The following NIBAN1 variants were observed in gnomAD, a reference collection of about 807,000 sequenced individuals.
NIBAN1 encodes the protein niban apoptosis regulator 1.
In NIBAN1, 81 loss-of-function variants were observed where a neutral mutation model predicts 75.1. That is an observed-to-expected ratio of 1.08 (90% CI 0.90 to 1.30). The LOEUF (loss-of-function observed/expected upper bound fraction) is 1.30. Among genes scored for constraint, NIBAN1 ranks in the 50% most tolerant of loss-of-function variants. The pLI is 0.00. For missense variants in NIBAN1, 1,133 were observed against 1,128.1 expected (o/e 1.00, Z -0.06); for synonymous variants, 436 against 424.8 (o/e 1.03, Z -0.32).
chr1:184,959,625 T>C (rs1667698484), intron 1 of NIBAN1, among the ~76,000 whole-genome samples: 1 of 152,244 alleles, frequency 6.6e-6, no homozygotes, highest in Admixed American at 6.5e-5. Context: ...TTTTGTTGCA[T>C]TCTTATAAAG....
In NIBAN1 at chr1:184,793,683, T is replaced by C. The variant is rs1653755674; in HGVS notation, c.*1294A>G. 6.6e-6 allele frequency: 1 copy of C among 152,256 alleles called. No homozygotes were observed. The highest frequency in any genetic ancestry group is 6.5e-5 in the Admixed American group (1 of 15,294). The allele number at this position is 152,256 out of a possible 1,614,324, so 9.4% of individuals were successfully genotyped here. A position where few individuals can be genotyped will look rare whatever the true frequency, so the allele number is the denominator to read the frequency against. On this transcript the variant is annotated 3_prime_UTR_variant, in exon 14 of 14. Coordinates refer to ENST00000367511, the MANE Select transcript of NIBAN1 (RefSeq NM_052966.4). ...GAAAAGAACAACTCCTTTTAATCTT[T>C]TGGAAGCAAGTCTCTTCCATTTTCA...
At chr1:184,864,988 CAA>C (rs200197955) in intron 5 of NIBAN1, among the ~76,000 whole-genome samples, 1,343 of 61,174 alleles carry the variant, frequency 0.022, 16 homozygotes, top group African/African-American at 0.064. Context: ...CTAAAGAGGT[CAA>C]AAAAAAAAAA....
chr1:184,929,958 G>A (rs1408043257), intron 1 of NIBAN1, among the ~76,000 whole-genome samples: 1 of 152,166 alleles, frequency 6.6e-6, no homozygotes, highest in Non-Finnish European at 1.5e-5. Flanking sequence ...AGTAACAAGA[G>A]TAAGACCAAA....
intron 1 of NIBAN1, among the ~76,000 whole-genome samples, chr1:184,957,419 T>C (rs1200324059): frequency 6.6e-6 from 1 of 152,264 alleles, no homozygotes; most frequent in African/African-American, 2.4e-5. Context: ...TAATTAGTAC[T>C]AATTACAACA....
At position 184,803,676 on chromosome 1, in the gene NIBAN1, C is replaced by T. The variant is rs370845692; in HGVS notation, c.1463G>A (p.Ser488Asn). 41 of 1,613,990 alleles carry T rather than the reference C, an allele frequency of 2.5e-5. No homozygotes were observed. Among genetic ancestry groups the T allele is most frequent in the Non-Finnish European group, 3.5e-5 (41 of 1,179,854 alleles). The change falls in exon 12 of 14, where the codon AGC (serine) becomes AAC (asparagine). Residue 488 changes from serine to asparagine, a missense_variant. Physicochemically the swap from Ser to Asn is conservative, Grantham distance 46. Transcript: ENST00000367511. ...AAATATCTTCTTTCGGATGGTGCTGCTGTCATAATCATATTGCTGTCAATA... is the reference window on the plus strand; with the variant it reads ...AAATATCTTCTTTCGGATGGTGCTGTTGTCATAATCATATTGCTGTCAATA... ...LRVLKQYDYDSSTIRKKIFQE... is the reference protein window; with the variant it reads ...LRVLKQYDYDNSTIRKKIFQE...
intron 6 of NIBAN1, among the ~76,000 whole-genome samples, chr1:184,830,166 C>T (rs1654957958): frequency 6.6e-6 from 1 of 152,204 alleles, no homozygotes; most frequent in Non-Finnish European, 1.5e-5. Flanking sequence ...ATTGAAATAA[C>T]AATAACTGCC....
intron 8 of NIBAN1, among the ~76,000 whole-genome samples, chr1:184,821,062 C>T (rs917358831): frequency 2.6e-5 from 4 of 152,268 alleles, no homozygotes; most frequent in South Asian, 2.1e-4. Flanking sequence ...TTTGTTCTAC[C>T]GCTGGTAGGA....
intron 5 of NIBAN1, among the ~76,000 whole-genome samples, chr1:184,836,200 A>C (rs1203722627): frequency 2.0e-5 from 3 of 152,146 alleles, no homozygotes; most frequent in African/African-American, 7.2e-5. Flanking sequence ...ACTGGGAGGG[A>C]CTTTACCAAC....
chr1:184,915,100 T>C (rs1003994877), intron 1 of NIBAN1, among the ~76,000 whole-genome samples: 2 of 152,196 alleles, frequency 1.3e-5, no homozygotes, highest in East Asian at 3.8e-4. Context: ...ACCTTTCATG[T>C]CTTCATCTTA....
At chr1:184,938,497 T>G (rs200679343) in intron 1 of NIBAN1, among the ~76,000 whole-genome samples, 2 of 152,292 alleles carry the variant, frequency 1.3e-5, no homozygotes, top group East Asian at 3.9e-4. Flanking sequence ...TTTTCTTTTT[T>G]GCTCTTTCTG....
intron 9 of NIBAN1, among the ~76,000 whole-genome samples, chr1:184,818,160 A>G (rs1399553908): frequency 6.6e-6 from 1 of 152,162 alleles, no homozygotes; most frequent in African/African-American, 2.4e-5. Context: ...ATTTCATATC[A>G]TAAGTCTATA....
At chr1:184,938,784 C>G (rs924181615) in intron 1 of NIBAN1, among the ~76,000 whole-genome samples, 1 of 152,082 alleles carries the variant, frequency 6.6e-6, no homozygotes, top group Non-Finnish European at 1.5e-5. Flanking sequence ...ATTTTAAAGA[C>G]TGTATTTATT....
chr1:184,806,217 G>A (rs1175282206), intron 10 of NIBAN1, among the ~76,000 whole-genome samples, 161 bp from the exon 11 acceptor site: 1 of 152,158 alleles, frequency 6.6e-6, no homozygotes, highest in Non-Finnish European at 1.5e-5. Flanking sequence ...CCATCACCAG[G>A]GCTGTGAAAC....
At chr1:184,900,788 C>A (rs942085087) in intron 1 of NIBAN1, among the ~76,000 whole-genome samples, 41 of 152,308 alleles carry the variant, frequency 2.7e-4, no homozygotes, top group African/African-American at 9.4e-4. Flanking sequence ...ACACAGGCTT[C>A]ACTGATTGTG....
intron 1 of NIBAN1, among the ~76,000 whole-genome samples, chr1:184,969,224 C>G (rs558582384): frequency 6.6e-6 from 1 of 152,310 alleles, no homozygotes; most frequent in East Asian, 1.9e-4. Flanking sequence ...CTTCACTATT[C>G]CAATTCAAAG....
intron 6 of NIBAN1, among the ~76,000 whole-genome samples, chr1:184,826,815 T>A (rs1212159980): frequency 1.3e-5 from 2 of 150,902 alleles, no homozygotes; most frequent in Non-Finnish European, 2.9e-5. Context: ...TTAAAGGAAA[T>A]ATGTCTGCGA....
chr1:184,908,449 C>T (rs1004661383), intron 1 of NIBAN1, among the ~76,000 whole-genome samples: 2 of 152,086 alleles, frequency 1.3e-5, no homozygotes, highest in African/African-American at 4.8e-5. Flanking sequence ...GAGGAAAAAA[C>T]ACACTACCAT....
At chr1:184,807,195 C>G (rs978612367) in intron 10 of NIBAN1, among the ~76,000 whole-genome samples, 2 of 152,062 alleles carry the variant, frequency 1.3e-5, no homozygotes, top group Non-Finnish European at 2.9e-5. Context: ...CTCAGAATAT[C>G]TGTGTGAAAT....
At chr1:184,942,747 A>G (rs1258450425) in intron 1 of NIBAN1, among the ~76,000 whole-genome samples, 1 of 150,610 alleles carries the variant, frequency 6.6e-6, no homozygotes, top group Non-Finnish European at 1.5e-5. Context: ...CTGCCTGCTG[A>G]TGTGCCTACC....
Sources: allele counts gnomAD v4.1 joint callset (sites outside exome capture counted in the v4.1 genomes callset), GRCh38; gene constraint gnomAD v4.1.1; transcripts MANE v1.5; gene names NCBI Gene and HGNC (gene_info 2026-07-23, HGNC 2026-07-21).